Variants in G3BP2 observed in about 807,000 individuals in gnomAD.
G3BP2 encodes ras GTPase-activating protein-binding protein 2.
G3BP2 carries 11 observed loss-of-function variants against 56.7 expected under a neutral mutation model. The ratio of observed to expected loss-of-function variants is 0.19; its 90% confidence interval spans 0.12 to 0.32. The LOEUF (loss-of-function observed/expected upper bound fraction) is 0.32, where lower values mean the gene tolerates loss of function less well. Ranked by LOEUF, G3BP2 falls within the 10% of genes least tolerant of loss-of-function variation. G3BP2 has a pLI of 1.00. For synonymous variants in G3BP2, 165 were observed against 191.6 expected (o/e 0.86, Z 1.15); for missense variants, 340 against 610.9 (o/e 0.56, Z 4.67).
intron 9 of G3BP2, among the ~76,000 whole-genome samples, chr4:75,647,413 A>G (rs1401374752): frequency 2.6e-5 from 4 of 152,242 alleles, no homozygotes; most frequent in Non-Finnish European, 5.9e-5. Flanking sequence ...CAAAAATCAA[A>G]TATTAGTACT....
At chr4:75,683,872 G>A (rs1041424381) in intron 3 of G3BP2, among the ~76,000 whole-genome samples, 6 of 152,082 alleles carry the variant, frequency 3.9e-5, no homozygotes, top group Admixed American at 6.6e-5. Flanking sequence ...ACATGAAAAG[G>A]GAAAGAGAAC....
At chr4:75,677,292 G>A (rs1733909550), upstream of G3BP2, among the ~76,000 whole-genome samples, 1 of 152,068 alleles carries the variant, frequency 6.6e-6, no homozygotes, top group Admixed American at 6.6e-5. Context: ...ACTACATGCG[G>A]CTGGGCGCAG....
chr4:75,712,232 T>C (rs925461658), intron 3 of G3BP2, among the ~76,000 whole-genome samples: 38 of 152,196 alleles, frequency 2.5e-4, no homozygotes, highest in Middle Eastern at 3.2e-3. Context: ...TCTTAGTTTA[T>C]ATCTTACTAC....
At chr4:75,656,295 ATT>A (rs11304157) in intron 5 of G3BP2, among the ~76,000 whole-genome samples, 57 of 148,490 alleles carry the variant, frequency 3.8e-4, no homozygotes, top group African/African-American at 6.9e-4. Flanking sequence ...CTCGGCTCCA[ATT>A]TTTTTTTTTT....
chr4:75,675,757 A>G (rs574982145), upstream of G3BP2, among the ~76,000 whole-genome samples: 2 of 152,222 alleles, frequency 1.3e-5, no homozygotes, highest in African/African-American at 4.8e-5. Flanking sequence ...GCGCTATTGC[A>G]CTCCAGCCTG....
Position 75,673,359 on chromosome 4 carries a change from A to G in G3BP2, c.-176T>C. 8.1e-7 allele frequency: 1 copy of G among 1,231,576 alleles called. No homozygotes were observed. The highest frequency in any genetic ancestry group is 1.0e-6 in the Non-Finnish European group (1 of 987,688). The allele number at this position is 1,231,576 out of a possible 1,614,324, so 76.3% of individuals were successfully genotyped here. A position where few individuals can be genotyped will look rare whatever the true frequency, so the allele number is the denominator to read the frequency against. On this transcript the variant is annotated 5_prime_UTR_variant, in exon 1 of 12. Coordinates refer to ENST00000359707, the MANE Select transcript of G3BP2 (RefSeq NM_203505.3). ...GAGCCGCGAGTTCGTCTGCCTCACAACCACCTCTTCCCGGGCGCCAGGCGC... is the reference window on the plus strand; with the variant it reads ...GAGCCGCGAGTTCGTCTGCCTCACAGCCACCTCTTCCCGGGCGCCAGGCGC...
rs987282896 is a variant in G3BP2 at position 75,673,386 on chromosome 4, G to C, written c.-203C>G. On this transcript the variant is annotated 5_prime_UTR_variant, in exon 1 of 12. Coordinates refer to ENST00000359707, the MANE Select transcript of G3BP2 (RefSeq NM_203505.3). ...CACCTCTTCCCGGGCGCCAGGCGCT[G>C]CGACGTGCGACAAGGACCACGGACG... 5 of 1,232,094 alleles carry C rather than the reference G, an allele frequency of 4.1e-6. No homozygotes were observed. Among genetic ancestry groups the C allele is most frequent in the Non-Finnish European group, 5.1e-6 (5 of 987,998 alleles). 76.3% of individuals were successfully genotyped at this position (1,232,094 alleles called of 1,614,324 possible). A position where few individuals can be genotyped will look rare whatever the true frequency, so the allele number is the denominator to read the frequency against.
rs1017906284 is a variant in G3BP2, at chr4:75,694,849, A to C, written c.-25+26028T>G. On this transcript the variant is annotated intron_variant, in intron 3 of 3. Coordinates refer to the G3BP2 transcript ENST00000499709. The stretch of plus-strand genomic sequence containing the variant: ...CACTAGCAGACAGGATGGGCTAAAG[A>C]CTGCGACATCACATCCAGAAGTAAC... 3.0e-6 allele frequency: 3 copies of C among 985,464 alleles called. No homozygotes were observed. The African/African-American group carries it at 5.2e-5, about 17-fold the overall frequency. 61.0% of individuals were successfully genotyped at this position (985,464 alleles called of 1,614,324 possible). A position where few individuals can be genotyped will look rare whatever the true frequency, so the allele number is the denominator to read the frequency against.
chr4:75,721,572 T>G (rs1482842762), intron 2 of G3BP2, among the ~76,000 whole-genome samples: 6 of 152,082 alleles, frequency 3.9e-5, no homozygotes, highest in Non-Finnish European at 7.3e-5. Flanking sequence ...TATACGATAC[T>G]GAAGGGGCTT....
chr4:75,648,495 T>C, intron 9 of G3BP2, 144 bp downstream of exon 9: 1 of 457,100 alleles, frequency 2.2e-6, no homozygotes, highest in East Asian at 3.0e-5. Context: ...AGACACTATT[T>C]AGCAGGTTGC....
upstream of G3BP2, among the ~76,000 whole-genome samples, chr4:75,677,894 G>A (rs1263119918): frequency 6.6e-6 from 1 of 152,166 alleles, no homozygotes; most frequent in Non-Finnish European, 1.5e-5. Flanking sequence ...CCTTCAGGCG[G>A]CAACTAGGTC....
chr4:75,712,430 C>A (rs1307047279), intron 3 of G3BP2, among the ~76,000 whole-genome samples: 2 of 152,068 alleles, frequency 1.3e-5, no homozygotes, highest in Non-Finnish European at 2.9e-5. Flanking sequence ...TGAGATTTTA[C>A]TGCCAACTGG....
Position 75,644,801 on chromosome 4 carries a change from G to T in G3BP2, c.*629C>A, listed in dbSNP as rs2148936111. 6.5e-6 allele frequency: 1 copy of T among 152,774 alleles called. No homozygotes were observed. The highest frequency in any genetic ancestry group is 2.1e-4 in the South Asian group (1 of 4,826). 9.5% of individuals were successfully genotyped at this position (152,774 alleles called of 1,614,324 possible). A position where few individuals can be genotyped will look rare whatever the true frequency, so the allele number is the denominator to read the frequency against. On this transcript the variant is annotated 3_prime_UTR_variant, in exon 12 of 12. Transcript: ENST00000359707. ...CCTTCTGGAATATACTTGTAGTCTT[G>T]TTAAGGTTTATGTGTACACACGCTG...
upstream of G3BP2, chr4:75,673,521 C>A (rs1212837694): frequency 1.6e-6 from 2 of 1,232,226 alleles, no homozygotes; most frequent in East Asian, 3.2e-5. Flanking sequence ...AGAGCCGGAC[C>A]CAACCTTCCC....
At chr4:75,719,347 CAAAAA>C (rs55689229) in intron 3 of G3BP2, among the ~76,000 whole-genome samples, 2 of 86,980 alleles carry the variant, frequency 2.3e-5, no homozygotes, top group Non-Finnish European at 2.2e-5. Context: ...GACTCCGTCT[CAAAAA>C]AAAAAAAAAA....
Position 75,646,458 on chromosome 4 carries a change from T to C in G3BP2, c.1058-2A>G, listed in dbSNP as rs2148941883. ...GAAGTTCCACAACGTTTCCAAAACC[T>C]GTGAAAATATACATTACATCAAGGG... is the stretch of plus-strand genomic sequence containing the variant. On this transcript the variant is annotated splice_acceptor_variant, in intron 10 of 11. Transcript: ENST00000359707. LOFTEE classifies it high-confidence loss of function. The C allele has an allele frequency of 2.7e-6, 4 of 1,480,202 alleles. No individual in the cohort carries two copies. Among genetic ancestry groups the C allele is most frequent in the Non-Finnish European group, 2.8e-6 (3 of 1,058,356 alleles). 91.7% of individuals were successfully genotyped at this position (1,480,202 alleles called of 1,614,324 possible). A position where few individuals can be genotyped will look rare whatever the true frequency, so the allele number is the denominator to read the frequency against.
intron 3 of G3BP2, among the ~76,000 whole-genome samples, chr4:75,711,076 T>C (rs1236844791): frequency 2.0e-5 from 3 of 152,126 alleles, no homozygotes; most frequent in Admixed American, 6.5e-5. Flanking sequence ...TCCTAACACT[T>C]TGGGAGGCCA....
chr4:75,715,860 G>A (rs538235784), intron 3 of G3BP2, among the ~76,000 whole-genome samples: 4 of 152,188 alleles, frequency 2.6e-5, no homozygotes, highest in African/African-American at 9.6e-5. Flanking sequence ...AAAGATCCTG[G>A]TATTTATTAC....
chr4:75,711,146 C>A (rs1719740236), intron 3 of G3BP2, among the ~76,000 whole-genome samples: 2 of 151,008 alleles, frequency 1.3e-5, no homozygotes, highest in African/African-American at 4.9e-5. Flanking sequence ...ATGGTGAAAC[C>A]CCATCTCTAC....
Sources: allele counts gnomAD v4.1 joint callset (sites outside exome capture counted in the v4.1 genomes callset), GRCh38; gene constraint gnomAD v4.1.1; transcripts MANE v1.5; gene names NCBI Gene and HGNC (gene_info 2026-07-23, HGNC 2026-07-21).